PHF24: variants seen among roughly 807,000 people sequenced by gnomAD.
PHF24 encodes PHD finger protein 24.
A neutral mutation model predicts 42.6 loss-of-function variants in PHF24; 25 were observed. That is an observed-to-expected ratio of 0.59 (90% CI 0.43 to 0.82). The LOEUF (loss-of-function observed/expected upper bound fraction) is 0.82. PHF24 is among the 40% of genes least tolerant of loss of function. The pLI is 0.00. For synonymous variants in PHF24, 185 were observed against 204.8 expected (o/e 0.90, Z 0.83); for missense variants, 470 against 538.1 (o/e 0.87, Z 1.25).
the PHF24 span, among the ~76,000 whole-genome samples, chr9:34,764,415 GT>G: frequency 3.3e-4 from 51 of 152,378 alleles, no homozygotes; most frequent in East Asian, 9.1e-3. Flanking sequence ...CTTCTTCCTA[GT>G]TTAGCCTTGG....
chr9:34,841,260 A>G, the PHF24 span, among the ~76,000 whole-genome samples: 1 of 152,088 alleles, frequency 6.6e-6, no homozygotes, highest in African/African-American at 2.4e-5. Context: ...CGGCCTCCCA[A>G]AGTGCTGGGA....
the PHF24 span, among the ~76,000 whole-genome samples, chr9:34,688,401 G>A: frequency 6.6e-6 from 1 of 152,148 alleles, no homozygotes; most frequent in Non-Finnish European, 1.5e-5. Flanking sequence ...AAGCCCTGTG[G>A]GATGCTCCAA....
chr9:34,898,127 A>G, the PHF24 span, among the ~76,000 whole-genome samples: 6 of 152,314 alleles, frequency 3.9e-5, no homozygotes, highest in African/African-American at 1.2e-4. Flanking sequence ...TTGTGCTGCT[A>G]TAAACATGCA....
the PHF24 span, chr9:34,690,428 G>GTA: frequency 2.4e-6 from 1 of 414,402 alleles, no homozygotes. Context: ...GGACACCTGT[G>GTA]TGTGTGTGTG....
the PHF24 span, among the ~76,000 whole-genome samples, chr9:34,748,958 T>C: frequency 6.6e-6 from 1 of 151,966 alleles, no homozygotes; most frequent in Non-Finnish European, 1.5e-5. Flanking sequence ...AAATTCAATA[T>C]AACACAGAGA....
chr9:34,978,390 A>G lies in PHF24; in HGVS notation c.*279A>G, dbSNP rs761044617. ...ACGGGACCTGCCACCACACTTATAT[A>G]CATGTGCACATGCTGCCCAGCTGTC... On this transcript the variant is annotated 3_prime_UTR_variant, in exon 8 of 8. Coordinates refer to ENST00000242315, the Ensembl canonical transcript of PHF24. The G allele has an allele frequency of 1.4e-5, 6 of 431,154 alleles. 1 individual carries two copies. Among genetic ancestry groups the G allele is most frequent in the African/African-American group, 3.9e-5 (2 of 50,766 alleles). The allele number at this position is 431,154 out of a possible 1,614,324, so 26.7% of individuals were successfully genotyped here. A position where few individuals can be genotyped will look rare whatever the true frequency, so the allele number is the denominator to read the frequency against.
chr9:34,813,385 G>A, the PHF24 span, among the ~76,000 whole-genome samples: 1 of 152,166 alleles, frequency 6.6e-6, no homozygotes, highest in Admixed American at 6.5e-5. Flanking sequence ...CTGAAATGTG[G>A]TATCTTAAAA....
At chr9:34,911,552 T>C in the PHF24 span, among the ~76,000 whole-genome samples, 3 of 152,240 alleles carry the variant, frequency 2.0e-5, no homozygotes, top group African/African-American at 7.2e-5. Flanking sequence ...GCGCCCGGCC[T>C]ATGGGGTTTT....
chr9:34,723,408 G>A, the PHF24 span: 19 of 1,551,636 alleles, frequency 1.2e-5, no homozygotes, highest in Admixed American at 1.2e-4. Flanking sequence ...TGAGCAGGAC[G>A]AGATTGGGCC....
chr9:34,830,859 C>T, the PHF24 span, among the ~76,000 whole-genome samples: 1 of 152,266 alleles, frequency 6.6e-6, no homozygotes, highest in Non-Finnish European at 1.5e-5. Context: ...TGCCACTCAG[C>T]CTCCCTCTTG....
At chr9:34,925,544 C>T in the PHF24 span, among the ~76,000 whole-genome samples, 1 of 152,096 alleles carries the variant, frequency 6.6e-6, no homozygotes, top group South Asian at 2.1e-4. Context: ...CTTCTTTCTT[C>T]TGCTTGGTCT....
the PHF24 span, among the ~76,000 whole-genome samples, chr9:34,810,001 C>CCGCCGCCGCCCACG: frequency 7.6e-5 from 11 of 145,236 alleles, no homozygotes; most frequent in Non-Finnish European, 1.4e-4. Context: ...GGCGCACGCG[C>CCGCCGCCGCCCACG]CGCCGCCGCC....
the PHF24 span, among the ~76,000 whole-genome samples, chr9:34,869,649 C>G: frequency 2.6e-5 from 4 of 152,150 alleles, no homozygotes; most frequent in Admixed American, 2.0e-4. Context: ...TGTATACACA[C>G]ACACACACAT....
the PHF24 span, among the ~76,000 whole-genome samples, chr9:34,851,619 C>CCA: frequency 6.6e-6 from 1 of 152,154 alleles, no homozygotes; most frequent in Non-Finnish European, 1.5e-5. Flanking sequence ...TGTCCTGCGC[C>CCA]CACTCTCTGG....
chr9:34,850,541 T>C, the PHF24 span, among the ~76,000 whole-genome samples: 1 of 152,182 alleles, frequency 6.6e-6, no homozygotes, highest in African/African-American at 2.4e-5. Context: ...TTTGTCTTTG[T>C]TTTGAATTTC....
At chr9:34,911,453 C>T in the PHF24 span, among the ~76,000 whole-genome samples, 2 of 151,944 alleles carry the variant, frequency 1.3e-5, no homozygotes, top group South Asian at 2.1e-4. Context: ...CAGGGTTTCA[C>T]CATCTTGGCC....
the PHF24 span, among the ~76,000 whole-genome samples, chr9:34,797,739 C>T: frequency 1.3e-5 from 2 of 151,662 alleles, no homozygotes; most frequent in African/African-American, 4.9e-5. Context: ...GTTTTATAGG[C>T]ACAGGATGGG....
chr9:34,886,540 T>C, the PHF24 span, among the ~76,000 whole-genome samples: 9 of 152,176 alleles, frequency 5.9e-5, no homozygotes, highest in Non-Finnish European at 1.0e-4. Flanking sequence ...TAAAACACTT[T>C]CCTTTCTTGG....
the PHF24 span, among the ~76,000 whole-genome samples, chr9:34,942,550 T>C: frequency 2.2e-4 from 33 of 152,182 alleles, no homozygotes; most frequent in Non-Finnish European, 4.1e-4. Flanking sequence ...AATTATATTA[T>C]GACAGAGGGC....
Sources: gnomAD v4.1 joint callset for allele counts (sites outside exome capture counted in the v4.1 genomes callset) on GRCh38, gnomAD v4.1.1 for gene constraint, MANE v1.5 for transcripts, NCBI Gene and HGNC (gene_info 2026-07-23, HGNC 2026-07-21) for gene names.